The following MLIP variants were observed in gnomAD, a reference collection of about 807,000 sequenced individuals.
MLIP encodes the protein muscular LMNA-interacting protein.
In MLIP, 79 loss-of-function variants were observed where a neutral mutation model predicts 84.8. That is an observed-to-expected ratio of 0.93 (90% confidence interval 0.78 to 1.12). MLIP has a LOEUF of 1.12. Among genes scored for constraint, MLIP ranks in the 50% most tolerant of loss-of-function variants. MLIP has a pLI of 0.00. For synonymous variants in MLIP, 504 were observed against 463.0 expected, an observed-to-expected ratio of 1.09 and a Z score of -1.14; for missense variants, 1,257 against 1,160.6, an observed-to-expected ratio of 1.08 and a Z score of -1.21.
Position 54,138,304 on chromosome 6 carries a change from C to T in MLIP, c.2217+18C>T, listed in dbSNP as rs1176412336. ...AATCAAAGGTATTTTTTGCATGTTG[C>T]ATGGTGCATGCTTATTTTGAAACAG... On this transcript the variant is annotated intron_variant, in intron 4 of 13. Transcript: ENST00000502396. The T allele has an allele frequency of 6.5e-7, 1 of 1,528,750 alleles. No individual in the cohort carries two copies. The highest frequency in any genetic ancestry group is 2.5e-5 in the East Asian group (1 of 40,810). 94.7% of individuals were successfully genotyped at this position (1,528,750 alleles called of 1,614,324 possible).
chr6:54,236,505 G>A (rs535827770), intron 12 of MLIP, among the ~76,000 whole-genome samples: 7 of 152,308 alleles, frequency 4.6e-5, no homozygotes, highest in Admixed American at 3.3e-4. Context: ...AAGAGGCTGA[G>A]GCAGGAGAAT....
At chr6:54,188,085 A>G (rs969660816) in intron 9 of MLIP, among the ~76,000 whole-genome samples, 1 of 152,192 alleles carries the variant, frequency 6.6e-6, no homozygotes, top group Non-Finnish European at 1.5e-5. Flanking sequence ...TAGAAAAGGC[A>G]TGGTAAAAAT....
intron 9 of MLIP, among the ~76,000 whole-genome samples, chr6:54,171,941 G>A (rs1775810099): frequency 6.6e-6 from 1 of 151,548 alleles, no homozygotes; most frequent in Non-Finnish European, 1.5e-5. Flanking sequence ...GTCATCTTCA[G>A]AGTATATAAC....
chr6:54,091,611 A>C (rs1413525212), intron 1 of MLIP, among the ~76,000 whole-genome samples: 1 of 152,148 alleles, frequency 6.6e-6, no homozygotes, highest in African/African-American at 2.4e-5. Flanking sequence ...TGAGTTCCTA[A>C]AATGATCATT....
At chr6:54,058,285 T>C (rs957123525) in intron 1 of MLIP, among the ~76,000 whole-genome samples, 1 of 152,208 alleles carries the variant, frequency 6.6e-6, no homozygotes, top group African/African-American at 2.4e-5. Context: ...TGTCAGACTT[T>C]GTGTTAGATA....
At chr6:54,198,960 G>T (rs1778488393) in intron 10 of MLIP, among the ~76,000 whole-genome samples, 1 of 151,738 alleles carries the variant, frequency 6.6e-6, no homozygotes, top group South Asian at 2.1e-4. Context: ...CAGTCACCAG[G>T]AACTGAAAAC....
At chr6:54,131,731 T>C (rs151069541) in intron 3 of MLIP, among the ~76,000 whole-genome samples, 336 of 152,314 alleles carry the variant, frequency 2.2e-3, no homozygotes, top group African/African-American at 7.5e-3. Context: ...GATATGTATG[T>C]ATATATTCGT....
In MLIP at chr6:54,161,169, A is replaced by G. The variant is rs568829491; in HGVS notation, c.2499+370A>G. ...CATTCTCACTCAAATTATAGATTCA[A>G]TATTATTTATGGAATTTATAGCCAC... On this transcript the variant is annotated intron_variant, in intron 8 of 13. Transcript: ENST00000502396. Among the ~76,000 whole-genome samples, 30 of 152,094 alleles carry G rather than the reference A, an allele frequency of 2.0e-4. 1 individual carries two copies. Among genetic ancestry groups the G allele is most frequent in the Admixed American group, 1.3e-3 (20 of 15,242 alleles).
At chr6:54,201,954 G>T in intron 10 of MLIP, 151 bp from the exon 11 acceptor site, 1 of 470,494 alleles carries the variant, frequency 2.1e-6, no homozygotes, top group Non-Finnish European at 3.4e-6. Context: ...TTGACTTCAG[G>T]CTGTTTTTAT....
chr6:54,145,794 CAAAA>C (rs796451161), intron 4 of MLIP, among the ~76,000 whole-genome samples: 1 of 126,732 alleles, frequency 7.9e-6, no homozygotes, highest in African/African-American at 2.9e-5. Context: ...CCCTCCCCCA[CAAAA>C]AAAAAAAGAA....
At chr6:54,098,923 C>T (rs940634687) in intron 1 of MLIP, among the ~76,000 whole-genome samples, 1 of 152,126 alleles carries the variant, frequency 6.6e-6, no homozygotes, top group Non-Finnish European at 1.5e-5. Context: ...CAAGGTTTCA[C>T]TGCTATTAAG....
chr6:54,253,209 G>A (rs568513471), intron 12 of MLIP, among the ~76,000 whole-genome samples: 1 of 152,182 alleles, frequency 6.6e-6, no homozygotes, highest in Non-Finnish European at 1.5e-5. Context: ...GGGTATTGCT[G>A]CAATAATTTG....
chr6:54,184,908 T>G (rs1249116494), intron 9 of MLIP, among the ~76,000 whole-genome samples: 2 of 152,208 alleles, frequency 1.3e-5, no homozygotes, highest in African/African-American at 4.8e-5. Context: ...TCTCAAATGT[T>G]ACTCTTCCCA....
intron 11 of MLIP, chr6:54,215,400 A>G: frequency 7.0e-6 from 9 of 1,278,330 alleles, no homozygotes; most frequent in Non-Finnish European, 8.9e-6. Context: ...AATGGAACCC[A>G]TACTAATAAG....
intron 1 of MLIP, among the ~76,000 whole-genome samples, chr6:54,032,589 T>A (rs1230913396): frequency 6.6e-6 from 1 of 152,208 alleles, no homozygotes; most frequent in East Asian, 1.9e-4. Flanking sequence ...AGTCTTACTC[T>A]GTCGCCCAGG....
Position 54,218,118 on chromosome 6 carries a change from G to C in MLIP, c.2719-12596G>C, listed in dbSNP as rs1391941701. The C allele has an allele frequency of 1.3e-5, 5 of 386,680 alleles. No homozygotes were observed. The South Asian group carries it at 4.3e-4, about 33-fold the overall frequency. 24.0% of individuals were successfully genotyped at this position (386,680 alleles called of 1,614,324 possible). The stretch of plus-strand genomic sequence containing the variant: ...CCTATTTCAGTTATGTGTCACTTAA[G>C]AATGGGATATGTTTTGAGAAATGCA... On this transcript the variant is annotated intron_variant, in intron 11 of 13. Coordinates refer to ENST00000502396, the MANE Select transcript of MLIP (RefSeq NM_001281747.2).
intron 9 of MLIP, among the ~76,000 whole-genome samples, chr6:54,183,384 C>T (rs1340669): frequency 0.94 from 143,505 of 152,224 alleles, 68,215 homozygotes; most frequent in East Asian, 1. Flanking sequence ...AGAAATATTT[C>T]TGCATTCTGC....
chr6:54,152,283 C>T (rs1309283424), intron 5 of MLIP, among the ~76,000 whole-genome samples: 1 of 152,044 alleles, frequency 6.6e-6, no homozygotes, highest in East Asian at 1.9e-4. Flanking sequence ...ATATGTTCAA[C>T]AATATACTAA....
chr6:54,036,678 G>A (rs954752517), intron 1 of MLIP, among the ~76,000 whole-genome samples: 2 of 151,848 alleles, frequency 1.3e-5, no homozygotes, highest in African/African-American at 4.8e-5. Flanking sequence ...ACAATATGGA[G>A]GTTCCTAAAA....
Sources: gnomAD v4.1 joint callset for allele counts (sites outside exome capture counted in the v4.1 genomes callset) on GRCh38, gnomAD v4.1.1 for gene constraint, MANE v1.5 for transcripts, NCBI Gene and HGNC (gene_info 2026-07-23, HGNC 2026-07-21) for gene names.